The following MROH2A variants were observed in gnomAD, a reference collection of about 807,000 sequenced individuals.
The protein encoded by MROH2A is maestro heat-like repeat-containing protein family member 2A.
MROH2A carries 174 observed loss-of-function variants against 200.4 expected under a neutral mutation model. The ratio of observed to expected loss-of-function variants is 0.87; its 90% CI spans 0.77 to 0.98. The LOEUF (loss-of-function observed/expected upper bound fraction) is 0.98, where lower values mean the gene tolerates loss of function less well. Ranked by LOEUF, MROH2A falls within the 50% of genes least tolerant of loss-of-function variation. The probability of loss-of-function intolerance (pLI) is 0.00; values close to 1 mark genes in which losing one functional copy is unlikely to be tolerated. For missense variants in MROH2A, 2,045 were observed against 2,139.6 expected (o/e 0.96, Z 0.87); for synonymous variants, 829 against 840.4 (o/e 0.99, Z 0.23).
intron 35 of MROH2A, among the ~76,000 whole-genome samples, chr2:233,824,370 G>A (rs1218708742): frequency 6.6e-6 from 1 of 152,218 alleles, no homozygotes; most frequent in Non-Finnish European, 1.5e-5. Flanking sequence ...AAAGCTCCTG[G>A]AAGTACAAGA....
At chr2:233,798,306 G>A (rs1455176003) in intron 11 of MROH2A, among the ~76,000 whole-genome samples, 2 of 152,188 alleles carry the variant, frequency 1.3e-5, no homozygotes, top group African/African-American at 2.4e-5. Context: ...CACTTTACAG[G>A]CGAGGAAACT....
chr2:233,832,481 C>T, intron 40 of MROH2A, 98 bp from the exon 41 acceptor site: 1 of 1,086,872 alleles, frequency 9.2e-7, no homozygotes. Flanking sequence ...CAAAATCTTT[C>T]ATCAATGCTC....
chr2:233,819,442 G>C lies in MROH2A; in HGVS notation c.3330G>C (p.Gln1110His), dbSNP rs1703783106. 1.3e-6 allele frequency: 2 copies of C among 1,550,540 alleles called. No individual in the cohort carries two copies. The highest frequency in any genetic ancestry group is 2.4e-5 in the East Asian group (1 of 40,916). ...ASVTWIAFFLQMRAKELEDKV... is the reference protein window; with the variant it reads ...ASVTWIAFFLHMRAKELEDKV... The stretch of plus-strand genomic sequence containing the variant: ...TCACCTGGATAGCCTTCTTCCTCCA[G>C]ATGCGGGCCAAGGAGCTGGAGGACA... Residue 1110 changes from glutamine (Q) to histidine (H), a missense_variant, in exon 30 of 42, where the codon CAG becomes CAC. By Grantham distance (24) the Gln-to-His change is conservative. This residue lies in a region of MROH2A where 1,201 missense variants were observed against 1,311.3 expected (regional missense o/e 0.92). Transcript: ENST00000389758.
chr2:233,784,540 G>T (rs1355117264), intron 3 of MROH2A, among the ~76,000 whole-genome samples: 1 of 152,156 alleles, frequency 6.6e-6, no homozygotes, highest in Admixed American at 6.5e-5. Flanking sequence ...GTGAGGCCTG[G>T]AGGGAGGTGT....
intron 9 of MROH2A, 74 bp from the exon 10 acceptor site, chr2:233,795,893 G>A: frequency 6.5e-7 from 1 of 1,529,200 alleles, no homozygotes; most frequent in South Asian, 1.2e-5. Flanking sequence ...GCAGCCCCAG[G>A]TATGGTCAGC....
intron 19 of MROH2A, 134 bp downstream of exon 19, chr2:233,805,245 G>A (rs1046850597): frequency 3.3e-5 from 19 of 581,904 alleles, no homozygotes; most frequent in East Asian, 3.1e-4. Context: ...GGAGAGGAGC[G>A]TGGTCTGGAT....
intron 27 of MROH2A, 101 bp from the exon 28 acceptor site, chr2:233,817,901 C>A: frequency 7.2e-7 from 1 of 1,393,206 alleles, no homozygotes; most frequent in Non-Finnish European, 9.7e-7. Context: ...TGTTTCAGAG[C>A]AGGGTTTGCC....
In MROH2A at chr2:233,828,235, C is replaced by T. The variant is rs1377197376; in HGVS notation, c.4114-395C>T. On this transcript the variant is annotated intron_variant, in intron 35 of 41. Transcript: ENST00000389758. The surrounding 1 kb of genome is among the most constrained non-coding windows in gnomAD (Gnocchi z 4.6). ...CACATGCATGCACCCACACGCATAC[C>T]AGTGAGGTTTTGGCACTCAGAATAC... Among the ~76,000 whole-genome samples the T allele has an allele frequency of 1.3e-5, 2 of 152,140 alleles. No individual in the cohort carries two copies. The highest frequency in any genetic ancestry group is 2.4e-5 in the African/African-American group (1 of 41,418).
rs141822420 is a variant in MROH2A, at chr2:233,803,405, C to T, written c.1709-43C>T. 223 of 1,546,466 alleles carry T rather than the reference C, an allele frequency of 1.4e-4. 1 individual carries two copies. The African/African-American group carries it at 2.6e-3, about 18-fold the overall frequency. On this transcript the variant is annotated intron_variant, in intron 15 of 41. Transcript: ENST00000389758. Reference sequence around the variant, plus strand: ...GGGGACATAGGAGCATGTCCTGGTACAAGCCAGGAAGGCTCAGCTGGGGTT... The same window carrying T: ...GGGGACATAGGAGCATGTCCTGGTATAAGCCAGGAAGGCTCAGCTGGGGTT...
At chr2:233,802,779 G>A (rs1702551657) in intron 15 of MROH2A, among the ~76,000 whole-genome samples, 1 of 152,210 alleles carries the variant, frequency 6.6e-6, no homozygotes, top group Admixed American at 6.5e-5. Context: ...GCTTGCTCCT[G>A]TCCCCTTCCC....
rs1253801182 is a variant in MROH2A at position 233,831,428 on chromosome 2, T to G, written c.4622T>G (p.Phe1541Cys). The G allele has an allele frequency of 6.5e-7, 1 of 1,550,124 alleles. No individual in the cohort carries two copies. Among genetic ancestry groups the G allele is most frequent in the East Asian group, 2.4e-5 (1 of 40,902 alleles). ...CTGCAGGCCTGTATGGCTACCATGTTTCAGTGTGTGCACTTCTGGGGCTGG... is the reference window on the plus strand; with the variant it reads ...CTGCAGGCCTGTATGGCTACCATGTGTCAGTGTGTGCACTTCTGGGGCTGG... The part of the protein sequence containing the change: ...NAAQACMATM[F>C]QCVHFWGWKS... Residue 1541 changes from phenylalanine (F) to cysteine (C), a missense_variant, in exon 39 of 42, where the codon TTT becomes TGT. Transcript: ENST00000389758.
chr2:233,829,666 T>G lies in MROH2A; in HGVS notation c.4493T>G (p.Leu1498Arg). Residue 1498 changes from leucine to arginine, a missense_variant, in exon 38 of 42, where the codon CTG (leucine) becomes CGG (arginine). Leu to Arg is a moderately radical substitution (Grantham distance 102). This residue lies in a region of MROH2A where 1,201 missense variants were observed against 1,311.3 expected (regional missense o/e 0.92). Coordinates refer to ENST00000389758, the MANE Select transcript of MROH2A (RefSeq NM_001394639.1). Reference sequence around the variant, plus strand: ...AAAGCCTTCATCCTCTTTGGAAAGCTGGCAAGGGTGGTCGGGATGTCCAAG... The same window carrying G: ...AAAGCCTTCATCCTCTTTGGAAAGCGGGCAAGGGTGGTCGGGATGTCCAAG... ...RLKAFILFGKLARVVGMSKKH... is the reference protein window; with the variant it reads ...RLKAFILFGKRARVVGMSKKH... The G allele has an allele frequency of 1.3e-6, 2 of 1,487,002 alleles. No homozygotes were observed. Among genetic ancestry groups the G allele is most frequent in the Non-Finnish European group, 1.8e-6 (2 of 1,116,132 alleles). 92.1% of individuals were successfully genotyped at this position (1,487,002 alleles called of 1,614,324 possible).
chr2:233,813,759 A>C lies in MROH2A; in HGVS notation c.2741A>C (p.Glu914Ala). 1 of 1,546,196 alleles carries C rather than the reference A, an allele frequency of 6.5e-7. No homozygotes were observed. Among genetic ancestry groups the C allele is most frequent in the South Asian group, 1.2e-5 (1 of 83,936 alleles). ...GTAATTTCTCTCCAACTCCCAGGAG[A>C]GGACAATGAGTCCATTAAGGTAGGT... ...HSVISLQLPG[E>A]DNESIKTLYA... The change falls in exon 25 of 42, where the codon GAG becomes GCG. Residue 914 changes from glutamate (E) to alanine (A), a missense_variant. By Grantham distance (107) the Glu-to-Ala change is moderately radical. This residue lies in a region of MROH2A where 1,201 missense variants were observed against 1,311.3 expected (regional missense o/e 0.92). Transcript: ENST00000389758.
At chr2:233,812,018 T>C in intron 24 of MROH2A, 59 bp downstream of exon 24, 3 of 1,136,414 alleles carry the variant, frequency 2.6e-6, no homozygotes, top group Non-Finnish European at 3.9e-6. Flanking sequence ...TCAAGACCAT[T>C]CCTCGGTGCT....
Position 233,807,177 on chromosome 2 carries a change from A to G in MROH2A, c.2053-246A>G, listed in dbSNP as rs886664576. On this transcript the variant is annotated intron_variant, in intron 19 of 41. Coordinates refer to ENST00000389758, the MANE Select transcript of MROH2A (RefSeq NM_001394639.1). The surrounding 1 kb of genome is among the most constrained non-coding windows in gnomAD (Gnocchi z 4.3). Reference sequence around the variant, plus strand: ...ATATATATATAATATGAACTGATATATGTATATATAAACTGATATATGTAT... The same window carrying G: ...ATATATATATAATATGAACTGATATGTGTATATATAAACTGATATATGTAT... Among the ~76,000 whole-genome samples, 6 of 152,014 alleles carry G rather than the reference A, an allele frequency of 3.9e-5. No individual in the cohort carries two copies. The highest frequency in any genetic ancestry group is 7.4e-5 in the Non-Finnish European group (5 of 68,022).
At chr2:233,778,299 A>G (rs1382916669), upstream of MROH2A, 3 of 166,260 alleles carry the variant, frequency 1.8e-5, no homozygotes, top group Non-Finnish European at 4.4e-5. Flanking sequence ...TGATAGTTCT[A>G]GTGAAACCCT....
intron 7 of MROH2A, 140 bp from the exon 8 acceptor site, chr2:233,794,223 C>T (rs531891914): frequency 1.2e-5 from 8 of 660,334 alleles, no homozygotes; most frequent in South Asian, 9.7e-5. Context: ...CAAACCCGGC[C>T]GCCTGTGCAG....
At chr2:233,782,732 C>T (rs538349929) in intron 3 of MROH2A, among the ~76,000 whole-genome samples, 59 of 152,200 alleles carry the variant, frequency 3.9e-4, no homozygotes, top group Middle Eastern at 3.4e-3. Flanking sequence ...CTGCTCTGGC[C>T]AGGACTTCCA....
At chr2:233,830,608 A>G (rs1704664263) in intron 38 of MROH2A, among the ~76,000 whole-genome samples, 1 of 64,218 alleles carries the variant, frequency 1.6e-5, no homozygotes, top group African/African-American at 3.8e-5. Context: ...TGGGTGGCCC[A>G]GGTGGGATGG....
Sources: gnomAD v4.1 joint callset for allele counts (sites outside exome capture counted in the v4.1 genomes callset) on GRCh38, gnomAD v4.1.1 for gene constraint, gnomAD v4.1.1 regional missense constraint, Gnocchi (gnomAD v3.1) non-coding constraint, MANE v1.5 for transcripts, NCBI Gene and HGNC (gene_info 2026-07-23, HGNC 2026-07-21) for gene names.